Variants in NPFFR1 observed in about 807,000 individuals in gnomAD.
The protein encoded by NPFFR1 is neuropeptide FF receptor 1, also known as G-protein coupled receptor 147.
A neutral mutation model predicts 12.7 loss-of-function variants in NPFFR1; 17 were observed. The ratio of observed to expected loss-of-function variants is 1.34; its 90% CI spans 0.92 to 2.01. NPFFR1 has a LOEUF of 2.01. Ranked by LOEUF, NPFFR1 falls within the 30% of genes most tolerant of loss-of-function variation. The pLI, the probability that NPFFR1 is intolerant of heterozygous loss-of-function variation, is 0.00. For missense variants in NPFFR1, 604 were observed against 606.5 expected, an observed-to-expected ratio of 1.00 and a Z score of 0.04; for synonymous variants, 296 against 264.5, an observed-to-expected ratio of 1.12 and a Z score of -1.16.
intron 1 of NPFFR1, among the ~76,000 whole-genome samples, chr10:70,276,987 A>AC (rs1564597778): frequency 1.3e-5 from 2 of 152,158 alleles, no homozygotes; most frequent in Non-Finnish European, 2.9e-5. Context: ...GCTTACATAG[A>AC]CCGCCTGGCT....
chr10:70,269,872 C>T (rs1028113205), intron 1 of NPFFR1, among the ~76,000 whole-genome samples: 15 of 152,162 alleles, frequency 9.9e-5, no homozygotes, highest in African/African-American at 3.6e-4. Context: ...TCACCCAGTG[C>T]CACTCTCCCC....
Position 70,250,776 on chromosome 10 carries a change from C to T in NPFFR1, c.*4181G>A, listed in dbSNP as rs1246648677. 1 of 152,174 alleles carries T rather than the reference C, an allele frequency of 6.6e-6. No individual in the cohort carries two copies. Among genetic ancestry groups the T allele is most frequent in the East Asian group, 1.9e-4 (1 of 5,200 alleles). The allele number at this position is 152,174 out of a possible 1,614,324, so 9.4% of individuals were successfully genotyped here. A position where few individuals can be genotyped will look rare whatever the true frequency, so the allele number is the denominator to read the frequency against. ...CATTTTAGGATGATGAAAATATCTT[C>T]AGTGTGGTAGGGACATAACTATATA... On this transcript the variant is annotated 3_prime_UTR_variant, in exon 4 of 4. Coordinates refer to ENST00000277942, the MANE Select transcript of NPFFR1 (RefSeq NM_022146.5).
In NPFFR1 at chr10:70,252,292, G is replaced by A. The variant is rs1002866827; in HGVS notation, c.*2665C>T. On this transcript the variant is annotated 3_prime_UTR_variant, in exon 4 of 4. Coordinates refer to ENST00000277942, the MANE Select transcript of NPFFR1 (RefSeq NM_022146.5). ...GAAGCCAGTCAAAAAGGATAGTATT[G>A]TATGATTCCTCTTGTATAGAAGTAC... 1.4e-4 allele frequency: 21 copies of A among 152,320 alleles called. No individual in the cohort carries two copies. Among genetic ancestry groups the A allele is most frequent in the African/African-American group, 5.1e-4 (21 of 41,560 alleles). 9.4% of individuals were successfully genotyped at this position (152,320 alleles called of 1,614,324 possible).
intron 1 of NPFFR1, among the ~76,000 whole-genome samples, chr10:70,281,475 A>G (rs1460203989): frequency 6.6e-6 from 1 of 152,098 alleles, no homozygotes; most frequent in East Asian, 1.9e-4. Flanking sequence ...GCCCGGCATC[A>G]TCTCCCAAAT....
At chr10:70,260,817 G>T in intron 2 of NPFFR1, 78 bp from the exon 3 acceptor site, 1 of 1,248,738 alleles carries the variant, frequency 8.0e-7, no homozygotes, top group Non-Finnish European at 1.1e-6. Flanking sequence ...TCCAAGCCAG[G>T]TCCCCTCTGA....
intron 3 of NPFFR1, among the ~76,000 whole-genome samples, chr10:70,256,650 C>T (rs1291688134): frequency 1.3e-5 from 2 of 152,198 alleles, no homozygotes; most frequent in African/African-American, 4.8e-5. Flanking sequence ...TCTGTTATTA[C>T]ACCCTTTATT....
intron 1 of NPFFR1, among the ~76,000 whole-genome samples, chr10:70,267,669 T>G (rs996583806): frequency 2.0e-5 from 3 of 152,248 alleles, no homozygotes; most frequent in African/African-American, 7.2e-5. Context: ...CTCATGATGT[T>G]GTGTCATAAA....
Position 70,252,309 on chromosome 10 carries a change from T to C in NPFFR1, c.*2648A>G, listed in dbSNP as rs1259624595. 3 of 152,218 alleles carry C rather than the reference T, an allele frequency of 2.0e-5. No homozygotes were observed. Among genetic ancestry groups the C allele is most frequent in the African/African-American group, 7.2e-5 (3 of 41,444 alleles). The allele number at this position is 152,218 out of a possible 1,614,324, so 9.4% of individuals were successfully genotyped here. A position where few individuals can be genotyped will look rare whatever the true frequency, so the allele number is the denominator to read the frequency against. ...ATAGTATTGTATGATTCCTCTTGTA[T>C]AGAAGTACCTAGAGTGGCCAAATTC... On this transcript the variant is annotated 3_prime_UTR_variant, in exon 4 of 4. Coordinates refer to ENST00000277942, the MANE Select transcript of NPFFR1 (RefSeq NM_022146.5).
rs79716535 is a variant in NPFFR1, at chr10:70,282,108, G to C, written c.7+1562C>G. ...TTCCTCAAAAGCAATGATTATATCT[G>C]TAAATACCTCTGGGTCGCTGGGATG... On this transcript the variant is annotated intron_variant, in intron 1 of 3. Transcript: ENST00000277942. 6.0e-3 allele frequency among the ~76,000 whole-genome samples: 906 copies of C among 152,216 alleles called. 4 individuals carry two copies. Among genetic ancestry groups the C allele is most frequent in the Non-Finnish European group, 0.011 (729 of 68,026 alleles).
In NPFFR1 at chr10:70,266,092, C is replaced by A. The variant is rs769659416; in HGVS notation, c.307G>T (p.Asp103Tyr). 2.5e-6 allele frequency: 4 copies of A among 1,613,714 alleles called. No homozygotes were observed. The highest frequency in any genetic ancestry group is 1.1e-5 in the South Asian group (1 of 91,026). ...CCGCACTCACCAGTGATGAGGTTGT[C>A]CACAAGGGTGGTGGGCATGCAGAAG... ...GIFCMPTTLV[D>Y]NLITGWPFDN... Residue 103 changes from aspartate (D) to tyrosine (Y), a missense_variant, in exon 2 of 4, where the codon GAC becomes TAC. Physicochemically the swap from Asp to Tyr is radical, Grantham distance 160. Coordinates refer to ENST00000277942, the MANE Select transcript of NPFFR1 (RefSeq NM_022146.5).
rs940063328 is a variant in NPFFR1, at chr10:70,252,895, C to T, written c.*2062G>A. The stretch of plus-strand genomic sequence containing the variant: ...GGCTATGCTAAAGGAGAAACACACC[C>T]CAGAGGAGACACCAGGTGGTGTCTT... On this transcript the variant is annotated 3_prime_UTR_variant, in exon 4 of 4. Transcript: ENST00000277942. 7 of 152,102 alleles carry T rather than the reference C, an allele frequency of 4.6e-5. No individual in the cohort carries two copies. The highest frequency in any genetic ancestry group is 1.7e-4 in the African/African-American group (7 of 41,406). The allele number at this position is 152,102 out of a possible 1,614,324, so 9.4% of individuals were successfully genotyped here.
rs770256713 is a variant in NPFFR1 at position 70,255,559 on chromosome 10, G to A, written c.691C>T (p.Leu231Phe). 3.2e-6 allele frequency: 5 copies of A among 1,550,830 alleles called. No individual in the cohort carries two copies. The highest frequency in any genetic ancestry group is 4.4e-6 in the Non-Finnish European group (5 of 1,146,942). ...ATGCGGGCGTACATGACCACGATGA[G>A]CGCCAGCGGCGCCAGGTAGATGTGC... ...FSHIYLAPLA[L>F]IVVMYARIAR... The change falls in exon 4 of 4, where the codon CTC (leucine) becomes TTC (phenylalanine). Residue 231 changes from leucine (L) to phenylalanine (F), a missense_variant. Transcript: ENST00000277942. This position sits in a 1 kb window ranked among gnomAD's most constrained non-coding sequence, Gnocchi z 4.2.
intron 3 of NPFFR1, among the ~76,000 whole-genome samples, chr10:70,258,656 A>G (rs1840601670): frequency 6.6e-6 from 1 of 152,220 alleles, no homozygotes; most frequent in African/African-American, 2.4e-5. Context: ...TAGTGAGGAA[A>G]AAGGAGGGGC....
intron 3 of NPFFR1, among the ~76,000 whole-genome samples, chr10:70,256,443 A>G (rs1011861718): frequency 6.6e-6 from 1 of 152,232 alleles, no homozygotes; most frequent in Non-Finnish European, 1.5e-5. Flanking sequence ...CAGAGTGCGC[A>G]GTCTGTCCTC....
Position 70,255,301 on chromosome 10 carries a change from G to A in NPFFR1, c.949C>T (p.Leu317=), listed in dbSNP as rs761366668. The A allele has an allele frequency of 1.3e-6, 2 of 1,582,960 alleles. No individual in the cohort carries two copies. Among genetic ancestry groups the A allele is most frequent in the South Asian group, 2.3e-5 (2 of 87,196 alleles). The change falls in exon 4 of 4, where the codon CTG becomes TTG. Residue 317 remains leucine, a synonymous_variant. Coordinates refer to ENST00000277942, the MANE Select transcript of NPFFR1 (RefSeq NM_022146.5). This position sits in a 1 kb window ranked among gnomAD's most constrained non-coding sequence, Gnocchi z 4.2. The part of the protein sequence containing the change: ...TVYAFPFAHW[L]AFFNSSANPI... ...TTGGCGCTGCTGTTGAAGAAGGCCA[G>A]CCAGTGCGCGAAGGGGAAGGCGTAG...
Position 70,255,796 on chromosome 10 carries a change from T to G in NPFFR1, c.454A>C (p.Lys152Gln), listed in dbSNP as rs762109126. Residue 152 changes from lysine to glutamine, a missense_variant, in exon 4 of 4, where the codon AAG (lysine) becomes CAG (glutamine). Transcript: ENST00000277942. This position sits in a 1 kb window ranked among gnomAD's most constrained non-coding sequence, Gnocchi z 4.2. ...ACGAGCGCCTTCCGCAGGGTCAGCT[T>G]CTCGCGGAAAGGGTGCACGATGCAG... Reference protein sequence around the residue: ...FRCIVHPFREKLTLRKALVTI... With the variant: ...FRCIVHPFREQLTLRKALVTI... 6.8e-6 allele frequency: 11 copies of G among 1,610,450 alleles called. No individual in the cohort carries two copies. In the Admixed American group the frequency reaches 1.8e-4, roughly 27 times the overall value.
In NPFFR1 at chr10:70,255,445, C is replaced by A; in HGVS notation, c.805G>T (p.Val269Leu). The A allele has an allele frequency of 6.5e-7, 1 of 1,548,076 alleles. No individual in the cohort carries two copies. The highest frequency in any genetic ancestry group is 8.7e-7 in the Non-Finnish European group (1 of 1,146,628). The stretch of plus-strand genomic sequence containing the variant: ...AGCGCCACCATGACCAGCATGTGCA[C>A]CACGCGCGCTCTGCGCCGCGATGCT... ...PRASRRRARV[V>L]HMLVMVALFF... Residue 269 changes from valine (V) to leucine (L), a missense_variant, in exon 4 of 4, where the codon GTG becomes TTG. By Grantham distance (32) the Val-to-Leu change is conservative. Transcript: ENST00000277942. This position sits in a 1 kb window ranked among gnomAD's most constrained non-coding sequence, Gnocchi z 4.2.
chr10:70,271,894 A>G (rs1365156426), intron 1 of NPFFR1, among the ~76,000 whole-genome samples: 1 of 152,070 alleles, frequency 6.6e-6, no homozygotes, highest in East Asian at 1.9e-4. Flanking sequence ...AAGCAAGCAG[A>G]TCACCTGAGG....
In NPFFR1 at chr10:70,255,584, C is replaced by T; in HGVS notation, c.666G>A (p.Ser222=). 1 of 1,553,004 alleles carries T rather than the reference C, an allele frequency of 6.4e-7. No individual in the cohort carries two copies. Residue 222 remains serine (S), a synonymous_variant, in exon 4 of 4, where the codon TCG becomes TCA. Transcript: ENST00000277942. The surrounding 1 kb of genome is among the most constrained non-coding windows in gnomAD (Gnocchi z 4.2). ...GCGCCAGCGGCGCCAGGTAGATGTG[C>T]GAGAAGAGCACAGTGGTGTAGACCC... ...MRRVYTTVLF[S]HIYLAPLALI...
Sources: allele counts gnomAD v4.1 joint callset (sites outside exome capture counted in the v4.1 genomes callset), GRCh38; gene constraint gnomAD v4.1.1; non-coding constraint Gnocchi (gnomAD v3.1); transcripts MANE v1.5; gene names NCBI Gene and HGNC (gene_info 2026-07-23, HGNC 2026-07-21).